Variants in ADAMTSL1 observed in about 807,000 individuals in gnomAD.
The protein encoded by ADAMTSL1 is ADAMTS like 1.
ADAMTSL1 carries 126 observed loss-of-function variants against 201.8 expected under a neutral mutation model. The ratio of observed to expected loss-of-function variants is 0.62; its 90% CI spans 0.54 to 0.72. The LOEUF is 0.72. Ranked by LOEUF, ADAMTSL1 falls within the 30% of genes least tolerant of loss-of-function variation. The pLI is 0.00. For synonymous variants in ADAMTSL1, 1,121 were observed against 903.4 expected (o/e 1.24, Z -4.32); for missense variants, 2,679 against 2,277.8 (o/e 1.18, Z -3.59).
chr9:18,433,272 A>G (rs10963604), intron 2 of ADAMTSL1, among the ~76,000 whole-genome samples: 34,950 of 151,988 alleles, frequency 0.23, 4,325 homozygotes, highest in East Asian at 0.45. Flanking sequence ...TATAGATTCT[A>G]TTGGAGGCCT....
intron 1 of ADAMTSL1, among the ~76,000 whole-genome samples, chr9:17,949,975 A>G (rs918663308): frequency 1.3e-5 from 2 of 152,012 alleles, no homozygotes; most frequent in African/African-American, 2.4e-5. Context: ...CTGGAGTGCA[A>G]TGGCCTGATC....
intron 1 of ADAMTSL1, among the ~76,000 whole-genome samples, chr9:18,092,596 G>A (rs753282697): frequency 1.3e-5 from 2 of 152,078 alleles, no homozygotes; most frequent in Non-Finnish European, 2.9e-5. Context: ...TTTGCACTTT[G>A]GATTTTCCCA....
intron 1 of ADAMTSL1, among the ~76,000 whole-genome samples, chr9:17,948,205 A>T (rs1817989536): frequency 6.6e-6 from 1 of 152,230 alleles, no homozygotes; most frequent in East Asian, 1.9e-4. Context: ...ATTAATAGTC[A>T]TAGCTTTCCG....
At chr9:17,966,267 A>G (rs1817974924) in intron 1 of ADAMTSL1, among the ~76,000 whole-genome samples, 1 of 152,176 alleles carries the variant, frequency 6.6e-6, no homozygotes, top group African/African-American at 2.4e-5. Flanking sequence ...GCTATGTCAG[A>G]GTGTTAGTAT....
At chr9:18,099,346 TATATATATA>T (rs1211550468) in intron 1 of ADAMTSL1, among the ~76,000 whole-genome samples, 2 of 49,504 alleles carry the variant, frequency 4.0e-5, no homozygotes, top group South Asian at 6.6e-4. Context: ...TATATATATA[TATATATATA>T]TTTTTTTTTT....
chr9:18,363,409 G>C (rs917354826), intron 2 of ADAMTSL1, among the ~76,000 whole-genome samples: 1 of 152,142 alleles, frequency 6.6e-6, no homozygotes, highest in Non-Finnish European at 1.5e-5. Flanking sequence ...TAATTCTTTG[G>C]GAGACAGCAT....
chr9:18,772,523 A>C (rs559666432), intron 17 of ADAMTSL1, among the ~76,000 whole-genome samples: 1 of 152,318 alleles, frequency 6.6e-6, no homozygotes, highest in Non-Finnish European at 1.5e-5. Context: ...CCTAGGTTCA[A>C]ATCCTGACTC....
At chr9:18,760,204 C>T (rs1485158302) in intron 16 of ADAMTSL1, among the ~76,000 whole-genome samples, 1 of 152,178 alleles carries the variant, frequency 6.6e-6, no homozygotes, top group African/African-American at 2.4e-5. Context: ...CTCACGCATC[C>T]TTCACGCTTT....
chr9:18,877,051 G>A (rs1828206787), intron 23 of ADAMTSL1, among the ~76,000 whole-genome samples: 1 of 151,876 alleles, frequency 6.6e-6, no homozygotes. Context: ...ACTTTCCTGT[G>A]TATTTTGCAT....
chr9:17,948,771 A>G (rs1827613653), intron 1 of ADAMTSL1, among the ~76,000 whole-genome samples: 1 of 152,224 alleles, frequency 6.6e-6, no homozygotes, highest in Non-Finnish European at 1.5e-5. Flanking sequence ...AATGCTAATA[A>G]AAAGACTTTA....
At chr9:18,890,277 C>T (rs67331436) in intron 25 of ADAMTSL1, among the ~76,000 whole-genome samples, 72,677 of 151,996 alleles carry the variant, frequency 0.48, 17,801 homozygotes, top group African/African-American at 0.56. Flanking sequence ...CTGTTTCTGA[C>T]AGTAGCCTCA....
At chr9:18,878,181 G>A (rs920463161) in intron 23 of ADAMTSL1, among the ~76,000 whole-genome samples, 1 of 152,170 alleles carries the variant, frequency 6.6e-6, no homozygotes, top group African/African-American at 2.4e-5. Context: ...TGAGAACTTG[G>A]CCCAGGCTAC....
intron 1 of ADAMTSL1, among the ~76,000 whole-genome samples, chr9:18,144,191 TTTTCTTTC>T (rs150298163): frequency 5.8e-4 from 87 of 149,346 alleles, no homozygotes; most frequent in East Asian, 4.0e-3. Flanking sequence ...ATATACATCT[TTTTCTTTC>T]TTTCTTTCTT....
chr9:18,225,501 T>C (rs1488643495), intron 2 of ADAMTSL1, among the ~76,000 whole-genome samples: 1 of 152,192 alleles, frequency 6.6e-6, no homozygotes, highest in East Asian at 1.9e-4. Flanking sequence ...TTTTTAGATA[T>C]ATTTGTTAAA....
chr9:18,762,908 ACACTTAGGTTGCT>A (rs1820155822), intron 16 of ADAMTSL1, among the ~76,000 whole-genome samples: 1 of 152,184 alleles, frequency 6.6e-6, no homozygotes, highest in Non-Finnish European at 1.5e-5. Context: ...CTGTTGATAG[ACACTTAGGTTGCT>A]TCCAGATCTT....
chr9:18,655,563 A>G (rs186346946), intron 7 of ADAMTSL1, among the ~76,000 whole-genome samples: 2 of 152,240 alleles, frequency 1.3e-5, no homozygotes, highest in African/African-American at 4.8e-5. Context: ...GTAAGAAGCT[A>G]AGATTTTTTT....
At chr9:18,272,576 CT>C (rs1832421042) in intron 2 of ADAMTSL1, among the ~76,000 whole-genome samples, 1 of 152,188 alleles carries the variant, frequency 6.6e-6, no homozygotes, top group African/African-American at 2.4e-5. Context: ...TTCCTATTCT[CT>C]GTTTTTGTTG....
chr9:18,206,678 T>TA (rs546738399), intron 2 of ADAMTSL1, among the ~76,000 whole-genome samples: 8 of 152,264 alleles, frequency 5.3e-5, no homozygotes, highest in African/African-American at 1.9e-4. Flanking sequence ...TTTTAGGACT[T>TA]AAAAAAATAT....
At chr9:17,971,099 G>A (rs1353091598) in intron 1 of ADAMTSL1, among the ~76,000 whole-genome samples, 2 of 152,028 alleles carry the variant, frequency 1.3e-5, no homozygotes, top group African/African-American at 4.8e-5. Flanking sequence ...ACTGATTTCT[G>A]AAAGGTGGCC....
Sources: allele counts gnomAD v4.1 joint callset (sites outside exome capture counted in the v4.1 genomes callset), GRCh38; gene constraint gnomAD v4.1.1; transcripts MANE v1.5; gene names NCBI Gene and HGNC (gene_info 2026-07-23, HGNC 2026-07-21).